AGPAT5: variants seen among roughly 807,000 people sequenced by gnomAD.
AGPAT5 encodes the protein 1-acylglycerol-3-phosphate O-acyltransferase 5.
Under a neutral mutation model 45.6 loss-of-function variants are expected in AGPAT5, and 46 were observed. That is an observed-to-expected ratio of 1.01 (90% CI 0.80 to 1.29). The LOEUF (loss-of-function observed/expected upper bound fraction) is 1.29, where lower values mean the gene tolerates loss of function less well. Among genes scored for constraint, AGPAT5 ranks in the 50% most tolerant of loss-of-function variants. AGPAT5 has a pLI of 0.00. For missense variants in AGPAT5, 673 were observed against 450.7 expected, an observed-to-expected ratio of 1.49 and a Z score of -4.47; for synonymous variants, 272 against 167.0, an observed-to-expected ratio of 1.63 and a Z score of -4.85.
intron 4 of AGPAT5, among the ~76,000 whole-genome samples, chr8:6,732,895 A>G (rs1800915221): frequency 6.6e-6 from 1 of 152,188 alleles, no homozygotes; most frequent in Admixed American, 6.5e-5. Flanking sequence ...TAAAAAGAGC[A>G]TTTGGTGTCG....
At chr8:6,740,536 A>G (rs1290342304) in intron 4 of AGPAT5, among the ~76,000 whole-genome samples, 1 of 149,446 alleles carries the variant, frequency 6.7e-6, no homozygotes, top group Non-Finnish European at 1.5e-5. Flanking sequence ...ATATAAAGAT[A>G]CATATAATAT....
chr8:6,750,657 C>G (rs181578515), intron 6 of AGPAT5, among the ~76,000 whole-genome samples: 21 of 151,074 alleles, frequency 1.4e-4, no homozygotes, highest in African/African-American at 4.6e-4. Flanking sequence ...TAAAGAACAA[C>G]AATAGACATT....
chr8:6,720,155 T>C (rs567742068), intron 1 of AGPAT5, among the ~76,000 whole-genome samples: 2 of 152,234 alleles, frequency 1.3e-5, no homozygotes, highest in Admixed American at 6.5e-5. Flanking sequence ...AAAGCCCCAC[T>C]AGATAGTGTC....
At chr8:6,735,872 T>TTTGTTGG (rs1801036285) in intron 4 of AGPAT5, among the ~76,000 whole-genome samples, 1 of 145,368 alleles carries the variant, frequency 6.9e-6, no homozygotes, top group Non-Finnish European at 1.5e-5. Context: ...TTTTTTTTTT[T>TTTGTTGG]GAGTTGGAGT....
intron 6 of AGPAT5, among the ~76,000 whole-genome samples, chr8:6,750,589 C>T (rs1390735270): frequency 1.3e-5 from 2 of 152,056 alleles, no homozygotes; most frequent in Non-Finnish European, 2.9e-5. Context: ...TTCCTTCTTG[C>T]GTAAAGTGCA....
chr8:6,756,348 T>C (rs905223127), intron 7 of AGPAT5, among the ~76,000 whole-genome samples: 3 of 152,116 alleles, frequency 2.0e-5, no homozygotes, highest in Non-Finnish European at 4.4e-5. Flanking sequence ...AAAAGGGGGC[T>C]GGCTGTGGTG....
intron 4 of AGPAT5, among the ~76,000 whole-genome samples, chr8:6,733,037 A>G (rs552791201): frequency 6.6e-6 from 1 of 152,334 alleles, no homozygotes; most frequent in African/African-American, 2.4e-5. Flanking sequence ...TGTTAGTGCA[A>G]ATTTTGAATG....
intron 4 of AGPAT5, among the ~76,000 whole-genome samples, chr8:6,737,375 C>T (rs1272788001): frequency 6.6e-6 from 1 of 152,182 alleles, no homozygotes; most frequent in Non-Finnish European, 1.5e-5. Context: ...GTGTGGCTTA[C>T]TAGTTCTCAT....
At chr8:6,733,427 C>T (rs948389713) in intron 4 of AGPAT5, among the ~76,000 whole-genome samples, 52 of 152,264 alleles carry the variant, frequency 3.4e-4, no homozygotes, top group African/African-American at 1.2e-3. Context: ...GGTCAGCTGG[C>T]GAAGTGCCTG....
chr8:6,746,097 C>T (rs1172400075), intron 5 of AGPAT5: 1 of 152,012 alleles, frequency 6.6e-6, no homozygotes, highest in Non-Finnish European at 1.5e-5. Context: ...TCCCTCTCTT[C>T]CTTCTCTCCC....
Position 6,750,156 on chromosome 8 carries a change from C to T in AGPAT5, c.745+2328C>T, listed in dbSNP as rs764795724. Among the ~76,000 whole-genome samples, 10 of 152,376 alleles carry T rather than the reference C, an allele frequency of 6.6e-5. No individual in the cohort carries two copies. In the East Asian group the frequency reaches 1.7e-3, roughly 26 times the overall value. Reference sequence around the variant, plus strand: ...TTCCCAGCATAGCACTGTGCCTTCTCCTGCCCCTGCTCTTGCAGTACTGCT... The same window carrying T: ...TTCCCAGCATAGCACTGTGCCTTCTTCTGCCCCTGCTCTTGCAGTACTGCT... On this transcript the variant is annotated intron_variant, in intron 6 of 7. Coordinates refer to ENST00000285518, the MANE Select transcript of AGPAT5 (RefSeq NM_018361.5).
At chr8:6,745,059 T>C (rs1801390555) in intron 5 of AGPAT5, 1 of 152,446 alleles carries the variant, frequency 6.6e-6, no homozygotes, top group Non-Finnish European at 1.5e-5. Context: ...CATTCAAGGA[T>C]TTTTTGCTTT....
chr8:6,728,792 C>G (rs1242736317), intron 2 of AGPAT5, among the ~76,000 whole-genome samples: 1 of 152,132 alleles, frequency 6.6e-6, no homozygotes, highest in African/African-American at 2.4e-5. Flanking sequence ...ACAGGTATAA[C>G]AGGGTCGATT....
At chr8:6,719,639 G>C (rs1226804932) in intron 1 of AGPAT5, among the ~76,000 whole-genome samples, 1 of 152,156 alleles carries the variant, frequency 6.6e-6, no homozygotes, top group Non-Finnish European at 1.5e-5. Context: ...ACTATTACAG[G>C]ACACCCCTGG....
intron 1 of AGPAT5, among the ~76,000 whole-genome samples, chr8:6,714,907 C>G (rs550414697): frequency 1.3e-5 from 2 of 152,324 alleles, no homozygotes; most frequent in East Asian, 3.9e-4. Flanking sequence ...GCTGATGCTT[C>G]TCAAGTGGAA....
intron 4 of AGPAT5, among the ~76,000 whole-genome samples, chr8:6,736,713 C>T (rs550147216): frequency 7.9e-5 from 12 of 152,378 alleles, no homozygotes; most frequent in South Asian, 2.1e-4. Context: ...CCCACCCAAA[C>T]GAGATTCTGA....
At chr8:6,724,838 T>C (rs1440723335) in intron 1 of AGPAT5, 32 bp from the exon 2 acceptor site, 1 of 708,888 alleles carries the variant, frequency 1.4e-6, no homozygotes, top group Non-Finnish European at 2.1e-6. Flanking sequence ...TTTTAAAATA[T>C]CAAAGTAATG....
chr8:6,755,200 C>A (rs1351921327), intron 7 of AGPAT5, 26 bp downstream of exon 7: 2 of 1,585,000 alleles, frequency 1.3e-6, no homozygotes, highest in East Asian at 4.5e-5. Flanking sequence ...TCCAGCACTT[C>A]CGGAACTTCG....
chr8:6,709,882 TGTAA>T (rs1346893875), intron 1 of AGPAT5, among the ~76,000 whole-genome samples: 2 of 152,184 alleles, frequency 1.3e-5, no homozygotes, highest in African/African-American at 4.8e-5. Flanking sequence ...AACCAGTGTC[TGTAA>T]GTGTCTCCTT....
Sources: allele counts gnomAD v4.1 joint callset (sites outside exome capture counted in the v4.1 genomes callset), GRCh38; gene constraint gnomAD v4.1.1; transcripts MANE v1.5; gene names NCBI Gene and HGNC (gene_info 2026-07-23, HGNC 2026-07-21).